NFIC: variants seen among roughly 807,000 people sequenced by gnomAD.
The protein encoded by NFIC is nuclear factor 1 C-type.
Under a neutral mutation model 54.4 loss-of-function variants are expected in NFIC, and 12 were observed. That is an observed-to-expected ratio of 0.22 (90% confidence interval 0.14 to 0.36). The LOEUF is 0.36. Among genes scored for constraint, NFIC ranks in the 10% least tolerant of loss-of-function variants. The pLI is 1.00. For missense variants in NFIC, 575 were observed against 718.2 expected (o/e 0.80, Z 2.28); for synonymous variants, 322 against 319.2 (o/e 1.01, Z -0.09).
chr19:3,394,739 T>G (rs1195830453), intron 2 of NFIC, among the ~76,000 whole-genome samples: 1 of 151,822 alleles, frequency 6.6e-6, no homozygotes, highest in Admixed American at 6.6e-5. Flanking sequence ...GTGACCATTC[T>G]CACCTGAGCT....
rs2082695469 is a variant in NFIC, at chr19:3,464,844, A to G, written c.*2075A>G. On this transcript the variant is annotated 3_prime_UTR_variant, in exon 11 of 11. Coordinates refer to ENST00000443272, the MANE Select transcript of NFIC (RefSeq NM_001245002.2). ...CCCGCTCCCCCGGTGGCCCTTGGGG[A>G]TCAAAGCGTGGGCCGCTCTCCGGGA... 2.6e-6 allele frequency: 1 copy of G among 391,946 alleles called. No individual in the cohort carries two copies. Among genetic ancestry groups the G allele is most frequent in the South Asian group, 1.1e-4 (1 of 9,492 alleles). 24.3% of individuals were successfully genotyped at this position (391,946 alleles called of 1,614,324 possible).
At chr19:3,379,051 T>A (rs916951607) in intron 1 of NFIC, among the ~76,000 whole-genome samples, 2 of 151,874 alleles carry the variant, frequency 1.3e-5, no homozygotes, top group Non-Finnish European at 2.9e-5. Context: ...CGTAGTCATT[T>A]TTTGTTTTTT....
chr19:3,402,108 C>T (rs1453610837), intron 2 of NFIC, among the ~76,000 whole-genome samples: 8 of 152,086 alleles, frequency 5.3e-5, no homozygotes, highest in Non-Finnish European at 7.4e-5. Flanking sequence ...TGCAGTGGCA[C>T]GATCTCAGCT....
intron 2 of NFIC, among the ~76,000 whole-genome samples, chr19:3,383,348 C>T (rs2081243590): frequency 6.6e-6 from 1 of 152,158 alleles, no homozygotes; most frequent in Non-Finnish European, 1.5e-5. Context: ...CTGAGCTCAG[C>T]TCTGCAGGAT....
In NFIC at chr19:3,458,309, G is replaced by A. The variant is rs1568202037; in HGVS notation, c.1509+1674G>A. On this transcript the variant is annotated intron_variant, in intron 10 of 10. Coordinates refer to ENST00000443272, the MANE Select transcript of NFIC (RefSeq NM_001245002.2). This position sits in a 1 kb window ranked among gnomAD's most constrained non-coding sequence, Gnocchi z 4.1. ...ACCTCTGCCACCCCCACCCCACATCGCTCCCTGCCCCTGCGGGAGGCTGGG... is the reference window on the plus strand; with the variant it reads ...ACCTCTGCCACCCCCACCCCACATCACTCCCTGCCCCTGCGGGAGGCTGGG... 6.6e-6 allele frequency among the ~76,000 whole-genome samples: 1 copy of A among 151,830 alleles called. No homozygotes were observed. The highest frequency in any genetic ancestry group is 1.5e-5 in the Non-Finnish European group (1 of 67,942).
rs764801716 is a variant in NFIC, at chr19:3,452,457, C to A, written c.1085-25C>A. On this transcript the variant is annotated intron_variant, in intron 7 of 10. Transcript: ENST00000443272. This position sits in a 1 kb window ranked among gnomAD's most constrained non-coding sequence, Gnocchi z 5.3. ...CAGACCGGCTGGAGCCCCCAAGTAA[C>A]CCCCGCTTCCCACTGTCTCCGCAGG... 4 of 1,606,640 alleles carry A rather than the reference C, an allele frequency of 2.5e-6. No homozygotes were observed. Among genetic ancestry groups the A allele is most frequent in the Middle Eastern group, 3.3e-4 (2 of 6,030 alleles).
At position 3,459,720 on chromosome 19, in the gene NFIC, G is replaced by C. The variant is rs898287819; in HGVS notation, c.1510-3032G>C. Among the ~76,000 whole-genome samples, 2 of 152,226 alleles carry C rather than the reference G, an allele frequency of 1.3e-5. No homozygotes were observed. Among genetic ancestry groups the C allele is most frequent in the African/African-American group, 4.8e-5 (2 of 41,460 alleles). On this transcript the variant is annotated intron_variant, in intron 10 of 10. Coordinates refer to ENST00000443272, the MANE Select transcript of NFIC (RefSeq NM_001245002.2). This position sits in a 1 kb window ranked among gnomAD's most constrained non-coding sequence, Gnocchi z 4.2. The stretch of plus-strand genomic sequence containing the variant: ...GGGGAGGCTGGTCCACCACGGGGAG[G>C]GTCACGCCCAGAGTCTGTCGGTTGC...
intron 2 of NFIC, among the ~76,000 whole-genome samples, chr19:3,424,886 G>A (rs2082003788): frequency 1.3e-5 from 2 of 152,332 alleles, no homozygotes; most frequent in South Asian, 4.1e-4. Flanking sequence ...GGCCTAGCTG[G>A]TGTCTGCAGG....
intron 2 of NFIC, among the ~76,000 whole-genome samples, chr19:3,416,936 T>G (rs1568434465): frequency 1.4e-5 from 2 of 147,810 alleles, no homozygotes; most frequent in Non-Finnish European, 3.0e-5. Flanking sequence ...CAGGCTGGAG[T>G]GCAGTGGCGC....
Position 3,464,198 on chromosome 19 carries a change from G to C in NFIC, c.*1429G>C, listed in dbSNP as rs866934221. On this transcript the variant is annotated 3_prime_UTR_variant, in exon 11 of 11. Coordinates refer to ENST00000443272, the MANE Select transcript of NFIC (RefSeq NM_001245002.2). ...CTACCCCGACGCGGGGCCCAGCTGC[G>C]GGACGTGCATCACGGCTGGGCCCCC... 5 of 985,254 alleles carry C rather than the reference G, an allele frequency of 5.1e-6. No homozygotes were observed. The highest frequency in any genetic ancestry group is 5.2e-4 in the Middle Eastern group (1 of 1,936). The allele number at this position is 985,254 out of a possible 1,614,324, so 61.0% of individuals were successfully genotyped here.
At position 3,456,149 on chromosome 19, in the gene NFIC, T is replaced by C. The variant is rs1456122568; in HGVS notation, c.1424-401T>C. ...CCCTCTGCCCTCTCCGGGAGGAAGATTAATAAATAAAACGCCCTCAATAAT... is the reference window on the plus strand; with the variant it reads ...CCCTCTGCCCTCTCCGGGAGGAAGACTAATAAATAAAACGCCCTCAATAAT... On this transcript the variant is annotated intron_variant, in intron 9 of 10. Transcript: ENST00000443272. Among the ~76,000 whole-genome samples the C allele has an allele frequency of 2.0e-5, 3 of 152,230 alleles. No homozygotes were observed. In the East Asian group the frequency reaches 5.8e-4, roughly 29 times the overall value.
At chr19:3,364,159 G>GAA (rs5826816), upstream of NFIC, among the ~76,000 whole-genome samples, 30 of 142,092 alleles carry the variant, frequency 2.1e-4, no homozygotes, top group Non-Finnish European at 2.6e-4. Context: ...AGAGTGCTTT[G>GAA]AAAAAAAAAA....
intron 2 of NFIC, among the ~76,000 whole-genome samples, chr19:3,394,513 T>TCCCC (rs1192475558): frequency 1.0e-3 from 9 of 9,002 alleles, no homozygotes; most frequent in East Asian, 6.2e-3. Context: ...TTATGATCTT[T>TCCCC]TCCCCACCCA....
upstream of NFIC, chr19:3,366,543 G>C: frequency 3.4e-6 from 2 of 580,018 alleles, no homozygotes; most frequent in Non-Finnish European, 2.7e-6. Flanking sequence ...GCGGGGGGGG[G>C]GGTTGGGGGG....
chr19:3,427,172 C>T (rs976016168), intron 3 of NFIC, among the ~76,000 whole-genome samples: 13 of 151,988 alleles, frequency 8.6e-5, no homozygotes, highest in African/African-American at 2.2e-4. Context: ...GTGATGCACC[C>T]GCCTCGGCCT....
intron 6 of NFIC, among the ~76,000 whole-genome samples, chr19:3,441,953 G>A (rs141626300): frequency 9.4e-4 from 143 of 152,308 alleles, no homozygotes; most frequent in Middle Eastern, 6.8e-3. Flanking sequence ...CTCATTAAGG[G>A]GGTTAAGCTG....
At chr19:3,367,002 A>AG (rs2080902324) in intron 1 of NFIC, among the ~76,000 whole-genome samples, 1 of 139,070 alleles carries the variant, frequency 7.2e-6, no homozygotes, top group Non-Finnish European at 1.6e-5. Context: ...CCGCCCCGAC[A>AG]CTCGGAAAGG....
chr19:3,450,493 T>C (rs1424126455), intron 7 of NFIC, among the ~76,000 whole-genome samples: 1 of 151,300 alleles, frequency 6.6e-6, no homozygotes, highest in Non-Finnish European at 1.5e-5. Context: ...TCGTTTCTAC[T>C]AAAATACAAA....
Position 3,452,279 on chromosome 19 carries a change from A to G in NFIC, c.1085-203A>G, listed in dbSNP as rs1359184530. On this transcript the variant is annotated intron_variant, in intron 7 of 10. Coordinates refer to ENST00000443272, the MANE Select transcript of NFIC (RefSeq NM_001245002.2). The surrounding 1 kb of genome is among the most constrained non-coding windows in gnomAD (Gnocchi z 5.3). ...AATTAAATTAAAACACAAGGATAAT[A>G]TCACAGCCCCAGTGGGGTTGCCGTG... Among the ~76,000 whole-genome samples, 1 of 152,068 alleles carries G rather than the reference A, an allele frequency of 6.6e-6. No individual in the cohort carries two copies. The highest frequency in any genetic ancestry group is 1.5e-5 in the Non-Finnish European group (1 of 68,020).
Sources: gnomAD v4.1 joint callset for allele counts (sites outside exome capture counted in the v4.1 genomes callset) on GRCh38, gnomAD v4.1.1 for gene constraint, Gnocchi (gnomAD v3.1) non-coding constraint, MANE v1.5 for transcripts, NCBI Gene and HGNC (gene_info 2026-07-23, HGNC 2026-07-21) for gene names.